The following FAM135B variants were observed in gnomAD, a reference collection of about 807,000 sequenced individuals.
FAM135B encodes the protein family with sequence similarity 135 member B.
Under a neutral mutation model 127.7 loss-of-function variants are expected in FAM135B, and 43 were observed. The ratio of observed to expected loss-of-function variants is 0.34; its 90% CI spans 0.26 to 0.43. The LOEUF is 0.43. Among genes scored for constraint, FAM135B ranks in the 20% least tolerant of loss-of-function variants. FAM135B has a pLI of 1.00. For synonymous variants in FAM135B, 670 were observed against 665.1 expected (o/e 1.01, Z -0.11); for missense variants, 1,558 against 1,725.6 (o/e 0.90, Z 1.72).
chr8:138,423,987 C>A (rs1834687795), intron 1 of FAM135B, among the ~76,000 whole-genome samples: 1 of 152,146 alleles, frequency 6.6e-6, no homozygotes, highest in Non-Finnish European at 1.5e-5. Flanking sequence ...TGTGTTCTGC[C>A]CAGCTCACCA....
rs1818191831 is a variant in FAM135B at position 138,151,899 on chromosome 8, C to T, written c.2576G>A (p.Gly859Glu). 1 of 1,613,918 alleles carries T rather than the reference C, an allele frequency of 6.2e-7. No individual in the cohort carries two copies. Among genetic ancestry groups the T allele is most frequent in the African/African-American group, 1.3e-5 (1 of 74,912 alleles). Residue 859 changes from glycine (G) to glutamate (E), a missense_variant, in exon 13 of 20, where the codon GGA (glycine) becomes GAA (glutamate). Coordinates refer to ENST00000395297, the MANE Select transcript of FAM135B (RefSeq NM_015912.4). ...AGTCCTGCCATCAGGAAGACAGTGT[C>T]CTTGAGCATCAAACTGCTTCCCTTT... ...KGKGKQFDAQGHCLPDGRTEN... is the reference protein window; with the variant it reads ...KGKGKQFDAQEHCLPDGRTEN...
At chr8:138,398,147 G>A (rs188739908) in intron 1 of FAM135B, among the ~76,000 whole-genome samples, 5,456 of 152,178 alleles carry the variant, frequency 0.036, 322 homozygotes, top group African/African-American at 0.12. Flanking sequence ...GCTGCTTCAC[G>A]CCTTCTGTAA....
At chr8:138,368,802 G>A (rs958001344) in intron 1 of FAM135B, among the ~76,000 whole-genome samples, 3 of 152,016 alleles carry the variant, frequency 2.0e-5, no homozygotes, top group Admixed American at 6.5e-5. Context: ...AAACCGAGAG[G>A]TACATTTAAA....
intron 1 of FAM135B, among the ~76,000 whole-genome samples, chr8:138,372,142 C>A (rs1209797775): frequency 1.3e-5 from 2 of 152,230 alleles, no homozygotes; most frequent in East Asian, 3.9e-4. Flanking sequence ...CAGTGCAGAT[C>A]TGTTCTGTTC....
intron 8 of FAM135B, 115 bp from the exon 9 acceptor site, chr8:138,195,422 A>G (rs1351649789): frequency 2.5e-5 from 24 of 965,594 alleles, no homozygotes; most frequent in Non-Finnish European, 3.6e-5. Flanking sequence ...AGAGACAAAC[A>G]CATTGCTGAG....
At chr8:138,411,596 A>G (rs1052034063) in intron 1 of FAM135B, among the ~76,000 whole-genome samples, 10 of 152,184 alleles carry the variant, frequency 6.6e-5, no homozygotes, top group Non-Finnish European at 1.0e-4. Context: ...CATGACTAAA[A>G]CACCAAAAGC....
intron 6 of FAM135B, among the ~76,000 whole-genome samples, chr8:138,246,267 G>A (rs1821277579): frequency 6.6e-6 from 1 of 152,160 alleles, no homozygotes. Flanking sequence ...AGGAAATGGG[G>A]AAAATGTCTC....
chr8:138,152,776 C>T lies in FAM135B; in HGVS notation c.1699G>A (p.Glu567Lys), dbSNP rs772418841. 6.2e-6 allele frequency: 10 copies of T among 1,614,084 alleles called. No individual in the cohort carries two copies. The highest frequency in any genetic ancestry group is 1.6e-4 in the Middle Eastern group (1 of 6,084). The change falls in exon 13 of 20, where the codon GAA becomes AAA. Residue 567 changes from glutamate (E) to lysine (K), a missense_variant. Around this residue, in one of 5 missense-constraint regions of FAM135B, gnomAD observed 923 missense variants for 865.3 expected, o/e 1.07. Coordinates refer to ENST00000395297, the MANE Select transcript of FAM135B (RefSeq NM_015912.4). ...TGAGCATTGAAGGCCACCAGGGGTT[C>T]AGCTCTGGAGGGGTTCTTATTGCTA... ...KSSNKNPSRA[E>K]PLVAFNAQHE...
At position 138,242,322 on chromosome 8, in the gene FAM135B, G is replaced by A. The variant is rs1214637043; in HGVS notation, c.669+620C>T. Among the ~76,000 whole-genome samples, 2 of 151,822 alleles carry A rather than the reference G, an allele frequency of 1.3e-5. No individual in the cohort carries two copies. Among genetic ancestry groups the A allele is most frequent in the African/African-American group, 4.8e-5 (2 of 41,310 alleles). On this transcript the variant is annotated intron_variant, in intron 7 of 19. Transcript: ENST00000395297. This position sits in a 1 kb window ranked among gnomAD's most constrained non-coding sequence, Gnocchi z 9.6. Reference sequence around the variant, plus strand: ...AAAAACATAGCATATACTGGCTTGGGAGAAATATGAGCAGAATCATACCCT... The same window carrying A: ...AAAAACATAGCATATACTGGCTTGGAAGAAATATGAGCAGAATCATACCCT...
At chr8:138,413,875 T>A (rs980254577) in intron 1 of FAM135B, among the ~76,000 whole-genome samples, 6 of 149,260 alleles carry the variant, frequency 4.0e-5, no homozygotes, top group Non-Finnish European at 7.4e-5. Flanking sequence ...ACGTGCAGAA[T>A]AAACCTGGGG....
At chr8:138,422,773 A>G (rs1056655622) in intron 1 of FAM135B, among the ~76,000 whole-genome samples, 14 of 152,214 alleles carry the variant, frequency 9.2e-5, no homozygotes, top group Admixed American at 7.9e-4. Flanking sequence ...TGTATATCCA[A>G]TTGAATATAA....
intron 7 of FAM135B, among the ~76,000 whole-genome samples, chr8:138,224,955 A>T (rs1819303108): frequency 6.6e-6 from 1 of 152,338 alleles, no homozygotes; most frequent in East Asian, 1.9e-4. Flanking sequence ...TGGAAAAAAA[A>T]GGACAAATTG....
At chr8:138,265,602 G>A in intron 4 of FAM135B, 101 bp downstream of exon 4, 1 of 1,360,638 alleles carries the variant, frequency 7.3e-7, no homozygotes, top group Non-Finnish European at 1.0e-6. Flanking sequence ...AGATTTCAAA[G>A]TAAACCCATA....
intron 2 of FAM135B, among the ~76,000 whole-genome samples, chr8:138,328,781 C>G (rs1028658814): frequency 6.6e-6 from 1 of 152,152 alleles, no homozygotes; most frequent in African/African-American, 2.4e-5. Context: ...GCTACTATTC[C>G]CTCCTCTGTA....
intron 1 of FAM135B, 72 bp from the exon 2 acceptor site, chr8:138,368,074 A>G (rs1033841451): frequency 7.6e-6 from 8 of 1,051,580 alleles, no homozygotes; most frequent in Admixed American, 3.5e-5. Context: ...CTTTTACAAC[A>G]GGAAACCAAT....
At chr8:138,485,038 C>T (rs932157101) in intron 1 of FAM135B, among the ~76,000 whole-genome samples, 12 of 152,190 alleles carry the variant, frequency 7.9e-5, no homozygotes, top group African/African-American at 2.9e-4. Flanking sequence ...AACACCTCAG[C>T]TAAGATGATG....
chr8:138,289,713 C>T (rs1432642632), intron 3 of FAM135B, among the ~76,000 whole-genome samples: 1 of 152,186 alleles, frequency 6.6e-6, no homozygotes, highest in African/African-American at 2.4e-5. Context: ...AGGCTGAGCC[C>T]CCTAAAGCCA....
intron 1 of FAM135B, among the ~76,000 whole-genome samples, chr8:138,414,389 G>A (rs1405658414): frequency 1.3e-5 from 2 of 152,010 alleles, no homozygotes; most frequent in African/African-American, 4.8e-5. Context: ...ATGAAGAGAT[G>A]TTTTCTTCTA....
At chr8:138,306,356 A>AC (rs1194275255) in intron 3 of FAM135B, among the ~76,000 whole-genome samples, 2 of 150,258 alleles carry the variant, frequency 1.3e-5, no homozygotes, top group African/African-American at 4.9e-5. Flanking sequence ...AATCATTTGA[A>AC]CCCGAAAGGT....
Sources: gnomAD v4.1 joint callset for allele counts (sites outside exome capture counted in the v4.1 genomes callset) on GRCh38, gnomAD v4.1.1 for gene constraint, gnomAD v4.1.1 regional missense constraint, Gnocchi (gnomAD v3.1) non-coding constraint, MANE v1.5 for transcripts, NCBI Gene and HGNC (gene_info 2026-07-23, HGNC 2026-07-21) for gene names.